Variants in SYT1 observed in about 807,000 individuals in gnomAD.
SYT1 encodes synaptotagmin-1.
A neutral mutation model predicts 44.8 loss-of-function variants in SYT1; 8 were observed. That is an observed-to-expected ratio of 0.18 (90% confidence interval 0.10 to 0.32). SYT1 has a LOEUF of 0.32. Ranked by LOEUF, SYT1 falls within the 10% of genes least tolerant of loss-of-function variation. The probability of loss-of-function intolerance (pLI) is 1.00; values close to 1 mark genes in which losing one functional copy is unlikely to be tolerated. For missense variants in SYT1, 286 were observed against 509.3 expected, an observed-to-expected ratio of 0.56 and a Z score of 4.22; for synonymous variants, 154 against 188.8, an observed-to-expected ratio of 0.82 and a Z score of 1.51.
At chr12:79,218,718 C>A (rs1490509458) in intron 4 of SYT1, among the ~76,000 whole-genome samples, 1 of 152,132 alleles carries the variant, frequency 6.6e-6, no homozygotes, top group Non-Finnish European at 1.5e-5. Context: ...TTTTTTATAG[C>A]TGAATGGTAT....
intron 4 of SYT1, among the ~76,000 whole-genome samples, chr12:79,260,205 C>T (rs936958591): frequency 2.6e-5 from 4 of 152,068 alleles, no homozygotes; most frequent in African/African-American, 9.7e-5. Context: ...TGTTCTGTGG[C>T]CCCTAATAAT....
intron 3 of SYT1, among the ~76,000 whole-genome samples, chr12:79,081,323 A>G (rs1238744727): frequency 3.3e-5 from 5 of 152,068 alleles, no homozygotes; most frequent in African/African-American, 9.7e-5. Context: ...GAAAAAAGCA[A>G]ATTACTACAT....
At chr12:79,340,278 G>T (rs981538445) in intron 8 of SYT1, among the ~76,000 whole-genome samples, 1 of 152,142 alleles carries the variant, frequency 6.6e-6, no homozygotes. Context: ...CCATTTTCAT[G>T]ATATTCATTC....
chr12:78,967,661 A>G (rs1050273279), intron 1 of SYT1, among the ~76,000 whole-genome samples: 2 of 152,182 alleles, frequency 1.3e-5, no homozygotes, highest in Admixed American at 6.5e-5. Context: ...CCAGCAAGCC[A>G]TCTATGAGCA....
chr12:79,178,414 C>A (rs1019004109), intron 3 of SYT1, among the ~76,000 whole-genome samples: 5 of 152,014 alleles, frequency 3.3e-5, no homozygotes, highest in Non-Finnish European at 5.9e-5. Flanking sequence ...AGAAACCACC[C>A]CTGTGTCTTT....
At chr12:79,038,107 T>C (rs1873259807) in intron 2 of SYT1, among the ~76,000 whole-genome samples, 2 of 151,446 alleles carry the variant, frequency 1.3e-5, no homozygotes, top group African/African-American at 4.8e-5. Flanking sequence ...TCACTAATTA[T>C]TTACCTTTTG....
Position 79,445,990 on chromosome 12 carries a change from CATATATATATAT to C in SYT1, c.1062+1817_1062+1828del, listed in dbSNP as rs59721146. Among the ~76,000 whole-genome samples, 355 of 44,148 alleles carry C rather than the reference CATATATATATAT, an allele frequency of 8.0e-3. 9 individuals carry two copies. The highest frequency in any genetic ancestry group is 0.016 in the East Asian group (21 of 1,276). The allele number at this position is 44,148 out of a possible 152,430, so 29.0% of individuals were successfully genotyped here. On this transcript the variant is annotated intron_variant, in intron 10 of 10. Transcript: ENST00000261205. ...CTTCATGGAAACATTAATCCAAAGA[CATATATATATAT>C]ATATATATATATATATATATATATA...
intron 8 of SYT1, among the ~76,000 whole-genome samples, chr12:79,335,309 T>C (rs1170842074): frequency 2.6e-5 from 4 of 152,170 alleles, no homozygotes; most frequent in Non-Finnish European, 1.5e-5. Flanking sequence ...TTTGTCTGTT[T>C]TTCCAGCCTT....
intron 4 of SYT1, among the ~76,000 whole-genome samples, chr12:79,253,483 G>GTCTCTT (rs1555211808): frequency 6.2e-5 from 8 of 129,490 alleles, no homozygotes; most frequent in African/African-American, 2.3e-4. Flanking sequence ...CCATTGCCCA[G>GTCTCTT]TCTCTCTCTC....
At chr12:79,413,141 C>T (rs1178268594) in intron 9 of SYT1, among the ~76,000 whole-genome samples, 2 of 152,164 alleles carry the variant, frequency 1.3e-5, no homozygotes, top group Non-Finnish European at 2.9e-5. Context: ...TTTCAAGAGG[C>T]AGTCAATGAA....
chr12:79,237,661 TA>T (rs1042879497), intron 4 of SYT1, among the ~76,000 whole-genome samples: 2 of 152,000 alleles, frequency 1.3e-5, no homozygotes, highest in East Asian at 1.9e-4. Flanking sequence ...AATTTTAAGT[TA>T]AAAAAAAGAA....
intron 4 of SYT1, among the ~76,000 whole-genome samples, chr12:79,283,048 ATAAAAT>A (rs932818567): frequency 6.6e-6 from 1 of 152,180 alleles, no homozygotes; most frequent in African/African-American, 2.4e-5. Context: ...ACACAATTAA[ATAAAAT>A]TTTAACATGA....
intron 3 of SYT1, among the ~76,000 whole-genome samples, chr12:79,052,415 C>A (rs1874574970): frequency 3.9e-5 from 6 of 152,200 alleles, no homozygotes; most frequent in Middle Eastern, 3.4e-3. Flanking sequence ...AGAAGAAAAC[C>A]TAGACGATAC....
intron 3 of SYT1, among the ~76,000 whole-genome samples, chr12:79,136,496 T>C (rs1170605963): frequency 2.0e-5 from 3 of 152,178 alleles, no homozygotes; most frequent in African/African-American, 7.2e-5. Context: ...GGTAAAATAG[T>C]TTCCAATTAC....
At chr12:79,286,009 A>T in intron 5 of SYT1, 38 bp downstream of exon 5, 1 of 1,558,090 alleles carries the variant, frequency 6.4e-7, no homozygotes, top group Non-Finnish European at 8.6e-7. Context: ...TATTTTGTTT[A>T]AAAAAGATAA....
Position 78,895,919 on chromosome 12 carries a change from C to T in SYT1, c.-217+30810C>T, listed in dbSNP as rs556645725. Among the ~76,000 whole-genome samples, 26 of 151,628 alleles carry T rather than the reference C, an allele frequency of 1.7e-4. No homozygotes were observed. In the East Asian group the frequency reaches 4.3e-3, roughly 25 times the overall value. On this transcript the variant is annotated intron_variant, in intron 1 of 10. Coordinates refer to ENST00000261205, the MANE Select transcript of SYT1 (RefSeq NM_005639.3). ...AAGAAAGAAAAATGGGTAAGAGAAACGTAAGGACAGGAGACAAGTCAGCTA... is the reference window on the plus strand; with the variant it reads ...AAGAAAGAAAAATGGGTAAGAGAAATGTAAGGACAGGAGACAAGTCAGCTA...
At chr12:79,081,881 T>C (rs1266281345) in intron 3 of SYT1, among the ~76,000 whole-genome samples, 1 of 152,188 alleles carries the variant, frequency 6.6e-6, no homozygotes, top group Admixed American at 6.6e-5. Context: ...AAGTGACTGC[T>C]TTACCATTGA....
chr12:79,396,685 T>C (rs1884882995), intron 9 of SYT1, among the ~76,000 whole-genome samples: 1 of 152,178 alleles, frequency 6.6e-6, no homozygotes, highest in African/African-American at 2.4e-5. Context: ...GTGACTCAAA[T>C]ACTTTGTGTG....
chr12:78,916,124 G>T (rs951029519), intron 1 of SYT1, among the ~76,000 whole-genome samples: 2 of 151,958 alleles, frequency 1.3e-5, no homozygotes, highest in African/African-American at 4.8e-5. Context: ...GAAGACTCCG[G>T]TTTCAGTTAT....
Sources: allele counts gnomAD v4.1 joint callset (sites outside exome capture counted in the v4.1 genomes callset), GRCh38; gene constraint gnomAD v4.1.1; transcripts MANE v1.5; gene names NCBI Gene and HGNC (gene_info 2026-07-23, HGNC 2026-07-21).